TESMIN: variants seen among roughly 807,000 people sequenced by gnomAD.
TESMIN encodes CXC domain containing 2.
A neutral mutation model predicts 47.4 loss-of-function variants in TESMIN; 34 were observed. That is an observed-to-expected ratio of 0.72 (90% CI 0.55 to 0.96). TESMIN has a LOEUF of 0.96. Among genes scored for constraint, TESMIN ranks in the 40% least tolerant of loss-of-function variants. The pLI is 0.00. For missense variants in TESMIN, 610 were observed against 637.2 expected (o/e 0.96, Z 0.46); for synonymous variants, 278 against 258.9 (o/e 1.07, Z -0.71).
intron 2 of TESMIN, among the ~76,000 whole-genome samples, chr11:68,749,902 T>A (rs1162932025): frequency 6.6e-6 from 1 of 152,138 alleles, no homozygotes; most frequent in Non-Finnish European, 1.5e-5. Context: ...GTCCTAGCTT[T>A]CCCCCTTTTT....
At chr11:68,746,434 G>A (rs1056619776) in intron 3 of TESMIN, among the ~76,000 whole-genome samples, 18 of 152,192 alleles carry the variant, frequency 1.2e-4, no homozygotes, top group Admixed American at 4.6e-4. Context: ...GTACACCACA[G>A]CTAAACCAAA....
Position 68,735,769 on chromosome 11 carries a change from C to T in TESMIN, c.917+2931G>A, listed in dbSNP as rs146188151. ...GCAGGAACTCAGAGGCAGCATAGTT[C>T]GGCACAGATGGAAGAAGTGAAAACC... is the stretch of plus-strand genomic sequence containing the variant. On this transcript the variant is annotated intron_variant, in intron 6 of 9. Coordinates refer to ENST00000255087, the MANE Select transcript of TESMIN (RefSeq NM_004923.3). Among the ~76,000 whole-genome samples the T allele has an allele frequency of 7.4e-4, 113 of 152,314 alleles. 1 individual carries two copies. The highest frequency in any genetic ancestry group is 2.6e-3 in the African/African-American group (107 of 41,566).
At chr11:68,715,636 G>C (rs1374732482) in intron 7 of TESMIN, among the ~76,000 whole-genome samples, 1 of 152,122 alleles carries the variant, frequency 6.6e-6, no homozygotes, top group Admixed American at 6.5e-5. Flanking sequence ...AAAGGGAAAA[G>C]GCCTTTCTCT....
At chr11:68,718,688 C>G (rs549202961) in intron 6 of TESMIN, among the ~76,000 whole-genome samples, 49 of 152,322 alleles carry the variant, frequency 3.2e-4, no homozygotes, top group African/African-American at 1.1e-3. Context: ...TGAGCACATT[C>G]TGCAGCACTG....
chr11:68,710,533 T>C (rs1946051169), intron 9 of TESMIN: 1 of 236,702 alleles, frequency 4.2e-6, no homozygotes, highest in African/African-American at 2.3e-5. Context: ...GCTGGGTCGT[T>C]GTGGCTCTAT....
chr11:68,736,480 C>A (rs984200577), intron 6 of TESMIN: 1 of 985,230 alleles, frequency 1.0e-6, no homozygotes, highest in Non-Finnish European at 1.2e-6. Context: ...ATGAAATAAC[C>A]AGCAAAACGT....
intron 8 of TESMIN, among the ~76,000 whole-genome samples, 165 bp downstream of exon 8, chr11:68,713,105 T>G (rs1350395372): frequency 1.3e-5 from 2 of 152,234 alleles, no homozygotes; most frequent in Non-Finnish European, 2.9e-5. Flanking sequence ...CAGCTGTATT[T>G]GGGAAATTAA....
At chr11:68,730,714 G>A (rs1012305280) in intron 6 of TESMIN, among the ~76,000 whole-genome samples, 7 of 151,316 alleles carry the variant, frequency 4.6e-5, no homozygotes, top group African/African-American at 7.3e-5. Context: ...AGAACTGCTG[G>A]AACCTGGGAG....
At chr11:68,716,161 G>C (rs1258215003) in intron 6 of TESMIN, among the ~76,000 whole-genome samples, 1 of 152,226 alleles carries the variant, frequency 6.6e-6, no homozygotes, top group Non-Finnish European at 1.5e-5. Flanking sequence ...AAAACCATTT[G>C]TTTCATAATA....
At chr11:68,740,421 AAAGGTGGGGG>A (rs1174120416) in intron 5 of TESMIN, among the ~76,000 whole-genome samples, 1 of 152,118 alleles carries the variant, frequency 6.6e-6, no homozygotes, top group Non-Finnish European at 1.5e-5. Context: ...ACAGTCAAGG[AAAGGTGGGGG>A]AAGGTGGGGA....
intron 6 of TESMIN, chr11:68,738,473 C>G: frequency 7.5e-7 from 1 of 1,339,794 alleles, no homozygotes; most frequent in African/African-American, 1.5e-5. Context: ...AGGACAGGGA[C>G]AGATGCAGGT....
chr11:68,723,135 G>A (rs1440652090), intron 6 of TESMIN, among the ~76,000 whole-genome samples: 2 of 152,056 alleles, frequency 1.3e-5, no homozygotes, highest in African/African-American at 2.4e-5. Flanking sequence ...AAAATTGATT[G>A]TATTAAGTCT....
At chr11:68,737,441 G>A in intron 6 of TESMIN, 1 of 985,592 alleles carries the variant, frequency 1.0e-6, no homozygotes, top group Non-Finnish European at 1.2e-6. Context: ...CAGATTCACG[G>A]CCTTTCATTC....
chr11:68,715,149 T>C (rs572741448), intron 7 of TESMIN, among the ~76,000 whole-genome samples: 2 of 152,368 alleles, frequency 1.3e-5, no homozygotes, highest in Admixed American at 6.5e-5. Context: ...CTACAGTCAA[T>C]GGCTCTCAAT....
At chr11:68,748,158 C>T (rs551296023) in intron 2 of TESMIN, among the ~76,000 whole-genome samples, 1 of 152,314 alleles carries the variant, frequency 6.6e-6, no homozygotes, top group South Asian at 2.1e-4. Context: ...TCTAAGGTAA[C>T]ATACTGAAGA....
chr11:68,737,422 G>A, intron 6 of TESMIN: 1 of 985,592 alleles, frequency 1.0e-6, no homozygotes, highest in Non-Finnish European at 1.2e-6. Context: ...ATCGGTTCCA[G>A]TGTGTTTCCA....
chr11:68,742,963 AC>A (rs961888336), intron 4 of TESMIN, among the ~76,000 whole-genome samples: 1 of 150,884 alleles, frequency 6.6e-6, no homozygotes, highest in Non-Finnish European at 1.5e-5. Context: ...TGCAGCCTTG[AC>A]CCCCCTAGGC....
At chr11:68,738,870 G>T (rs1946423096) in intron 5 of TESMIN, 82 bp from the exon 6 acceptor site, 15 of 1,236,124 alleles carry the variant, frequency 1.2e-5, no homozygotes, top group Non-Finnish European at 1.5e-5. Context: ...AGATAAAAAT[G>T]ATTCTTTTTT....
intron 3 of TESMIN, among the ~76,000 whole-genome samples, chr11:68,745,513 T>C (rs1222825525): frequency 6.6e-6 from 1 of 152,154 alleles, no homozygotes; most frequent in Non-Finnish European, 1.5e-5. Flanking sequence ...CCCCAGCCCA[T>C]TCAGCCCCAG....
Sources: allele counts gnomAD v4.1 joint callset (sites outside exome capture counted in the v4.1 genomes callset), GRCh38; gene constraint gnomAD v4.1.1; transcripts MANE v1.5; gene names NCBI Gene and HGNC (gene_info 2026-07-23, HGNC 2026-07-21).